The following CYRIB variants were observed in gnomAD, a reference collection of about 807,000 sequenced individuals.
CYRIB encodes the protein CYFIP related Rac1 interactor B.
CYRIB carries 8 observed loss-of-function variants against 44.2 expected under a neutral mutation model. That is an observed-to-expected ratio of 0.18 (90% CI 0.11 to 0.33). CYRIB has a LOEUF of 0.33. CYRIB is among the 10% of genes least tolerant of loss of function. The pLI is 1.00. For missense variants in CYRIB, 185 were observed against 382.8 expected (o/e 0.48, Z 4.31); for synonymous variants, 131 against 127.2 (o/e 1.03, Z -0.20).
intron 2 of CYRIB, among the ~76,000 whole-genome samples, chr8:129,884,479 G>C (rs2061975033): frequency 6.6e-6 from 1 of 151,952 alleles, no homozygotes; most frequent in Non-Finnish European, 1.5e-5. Flanking sequence ...GTAGAGACAG[G>C]GTTTCTCCAT....
chr8:129,898,461 T>G (rs538808400), intron 2 of CYRIB, among the ~76,000 whole-genome samples: 14 of 152,312 alleles, frequency 9.2e-5, no homozygotes, highest in Non-Finnish European at 8.8e-5. Context: ...GAAAAATGTA[T>G]GCTTATTAGG....
At chr8:129,879,297 A>G in intron 3 of CYRIB, 92 bp downstream of exon 5, 2 of 873,066 alleles carry the variant, frequency 2.3e-6, no homozygotes, top group Non-Finnish European at 3.7e-6. Context: ...CAAAGCAGTT[A>G]AAAAGATGGC....
At chr8:129,967,711 C>T (rs1333984791) in intron 2 of CYRIB, among the ~76,000 whole-genome samples, 2 of 152,156 alleles carry the variant, frequency 1.3e-5, no homozygotes, top group Non-Finnish European at 2.9e-5. Flanking sequence ...TAAACATTTA[C>T]CAGCACACCA....
chr8:129,859,909 A>T (rs2048437286), intron 5 of CYRIB, among the ~76,000 whole-genome samples: 2 of 152,202 alleles, frequency 1.3e-5, no homozygotes. Flanking sequence ...CTTGCCGCCC[A>T]CATTTACCAG....
chr8:129,862,471 T>C lies in CYRIB; in HGVS notation c.196-137A>G, dbSNP rs2050321086. 6.8e-6 allele frequency: 5 copies of C among 733,684 alleles called. No homozygotes were observed. The African/African-American group carries it at 7.2e-5, about 11-fold the overall frequency. The allele number at this position is 733,684 out of a possible 1,614,324, so 45.4% of individuals were successfully genotyped here. A position where few individuals can be genotyped will look rare whatever the true frequency, so the allele number is the denominator to read the frequency against. Reference sequence around the variant, plus strand: ...ATATAGAATATTGAATCTAGGAGTGTTGAATATTTTTTTTTTTGAGAGAGC... The same window carrying C: ...ATATAGAATATTGAATCTAGGAGTGCTGAATATTTTTTTTTTTGAGAGAGC... On this transcript the variant is annotated intron_variant, in intron 4 of 11. Coordinates refer to ENST00000519824, the Ensembl canonical transcript of CYRIB.
chr8:129,993,861 C>CAAA (rs113438463), intron 1 of CYRIB, among the ~76,000 whole-genome samples: 1 of 140,810 alleles, frequency 7.1e-6, no homozygotes, highest in Admixed American at 7.1e-5. Context: ...GACCCTGTCT[C>CAAA]AAAAAAAAAA....
chr8:129,927,577 G>C (rs531756016), intron 1 of CYRIB, among the ~76,000 whole-genome samples: 1 of 152,336 alleles, frequency 6.6e-6, no homozygotes, highest in Non-Finnish European at 1.5e-5. Context: ...TAAATGTGGA[G>C]AGTATGTGTG....
chr8:130,001,509 TCCCTGAAAATAATTTC>T (rs2096906160), intron 1 of CYRIB, among the ~76,000 whole-genome samples: 1 of 150,334 alleles, frequency 6.7e-6, no homozygotes, highest in Non-Finnish European at 1.5e-5. Flanking sequence ...ATCTTACCTT[TCCCTGAAAATAATTTC>T]TTTTTTTTTT....
At chr8:130,014,391 C>T (rs2097295116) in intron 1 of CYRIB, among the ~76,000 whole-genome samples, 1 of 152,216 alleles carries the variant, frequency 6.6e-6, no homozygotes, top group African/African-American at 2.4e-5. Flanking sequence ...GATCACGCTA[C>T]TTCTGCACTA....
chr8:129,954,979 C>T (rs780758911), intron 2 of CYRIB, among the ~76,000 whole-genome samples: 7 of 152,278 alleles, frequency 4.6e-5, no homozygotes, highest in Admixed American at 6.5e-5. Flanking sequence ...TGTGGCCGGA[C>T]GCGGTGGCTG....
At chr8:129,849,130 T>C in intron 10 of CYRIB, 113 bp downstream of exon 12, 1 of 1,003,092 alleles carries the variant, frequency 1.0e-6, no homozygotes, top group Non-Finnish European at 1.4e-6. Flanking sequence ...TTTCACAAAC[T>C]ATAAATCTGA....
chr8:129,906,224 A>G (rs1046460376), intron 1 of CYRIB, among the ~76,000 whole-genome samples: 1 of 152,218 alleles, frequency 6.6e-6, no homozygotes, highest in African/African-American at 2.4e-5. Flanking sequence ...ACAGTAACCA[A>G]AACAGCATGC....
At chr8:129,882,796 T>C (rs753445439) in intron 2 of CYRIB, among the ~76,000 whole-genome samples, 19 of 152,172 alleles carry the variant, frequency 1.2e-4, no homozygotes, top group Non-Finnish European at 2.6e-4. Context: ...CCCCTCCTCA[T>C]ACTTGGGAGT....
At chr8:129,948,186 G>C (rs76676835) in intron 2 of CYRIB, among the ~76,000 whole-genome samples, 2,053 of 152,334 alleles carry the variant, frequency 0.013, 31 homozygotes, top group African/African-American at 0.046. Flanking sequence ...TTCAAATTGG[G>C]AATGTGCTGC....
chr8:129,843,892 C>A (rs412941), intron 11 of CYRIB: 84,779 of 152,034 alleles, frequency 0.56, 24,344 homozygotes, highest in African/African-American at 0.69. Context: ...TAGGTATCAG[C>A]GTGCCTGGCA....
chr8:129,862,384 T>G, intron 4 of CYRIB, 50 bp from the exon 7 acceptor site: 1 of 1,332,460 alleles, frequency 7.5e-7, no homozygotes, highest in South Asian at 1.3e-5. Context: ...AAAAAAAAGG[T>G]TCATTTTTAC....
chr8:129,847,538 G>A (rs2040787827), intron 10 of CYRIB, among the ~76,000 whole-genome samples: 1 of 152,186 alleles, frequency 6.6e-6, no homozygotes, highest in South Asian at 2.1e-4. Context: ...TTCAGGTAGA[G>A]AAACCTCACA....
intron 1 of CYRIB, among the ~76,000 whole-genome samples, chr8:129,989,847 A>AT (rs1262378694): frequency 4.9e-5 from 6 of 121,370 alleles, no homozygotes; most frequent in African/African-American, 1.9e-4. Flanking sequence ...TCTTGTGTCC[A>AT]TGTGTTCTCA....
chr8:129,920,835 G>A (rs1307440491), intron 1 of CYRIB, among the ~76,000 whole-genome samples: 3 of 152,012 alleles, frequency 2.0e-5, no homozygotes, highest in Admixed American at 2.0e-4. Context: ...AGATTTCACT[G>A]TTTAGTTTAC....
Sources: gnomAD v4.1 joint callset for allele counts (sites outside exome capture counted in the v4.1 genomes callset) on GRCh38, gnomAD v4.1.1 for gene constraint, MANE v1.5 for transcripts, NCBI Gene and HGNC (gene_info 2026-07-23, HGNC 2026-07-21) for gene names.